Variants in CELF3 observed in about 807,000 individuals in gnomAD.
CELF3 encodes the protein CUGBP Elav-like family member 3, also known as CAG repeat domain.
Under a neutral mutation model 59.6 loss-of-function variants are expected in CELF3, and 26 were observed. The ratio of observed to expected loss-of-function variants is 0.44; its 90% CI spans 0.32 to 0.61. The LOEUF (loss-of-function observed/expected upper bound fraction) is 0.61. CELF3 is among the 20% of genes least tolerant of loss of function. The probability of loss-of-function intolerance (pLI) is 0.06; values close to 1 mark genes in which losing one functional copy is unlikely to be tolerated. For missense variants in CELF3, 387 were observed against 627.2 expected, an observed-to-expected ratio of 0.62 and a Z score of 4.09; for synonymous variants, 245 against 250.7, an observed-to-expected ratio of 0.98 and a Z score of 0.22.
At position 151,706,246 on chromosome 1, in the gene CELF3, TTGC is replaced by T. The variant is rs746113287; in HGVS notation, c.1101_1103del (p.Gln373del). 4.8e-4 allele frequency: 731 copies of T among 1,526,512 alleles called. No homozygotes were observed. The highest frequency in any genetic ancestry group is 1.1e-3 in the Admixed American group (60 of 54,800). 94.6% of individuals were successfully genotyped at this position (1,526,512 alleles called of 1,614,324 possible). A position where few individuals can be genotyped will look rare whatever the true frequency, so the allele number is the denominator to read the frequency against. On this transcript the variant is annotated inframe_deletion, in exon 10 of 13. Transcript: ENST00000290583. ...CACCTTCTCTTTGCTGCTGCTGCTGTTGCTGCTGCTGCTGCTGCTGCTGCTGTT... is the reference window on the plus strand; with the variant it reads ...CACCTTCTCTTTGCTGCTGCTGCTGTTGCTGCTGCTGCTGCTGCTGCTGTT...
rs1002851176 is a variant in CELF3, at chr1:151,700,760, C to T, written c.*2699G>A. 7.9e-5 allele frequency among the ~76,000 whole-genome samples: 12 copies of T among 152,162 alleles called. No homozygotes were observed. The highest frequency in any genetic ancestry group is 1.9e-4 in the African/African-American group (8 of 41,508). On this transcript the variant is annotated 3_prime_UTR_variant, in exon 13 of 13. Coordinates refer to ENST00000290583, the MANE Select transcript of CELF3 (RefSeq NM_007185.7). ...ATGATTTAATACCATTGAGTTTATG[C>T]GAAAGTACTAAAAACTCTTGAGGTT...
chr1:151,715,577 C>A, intron 1 of CELF3: 3 of 1,378,146 alleles, frequency 2.2e-6, no homozygotes, highest in Non-Finnish European at 2.9e-6. Flanking sequence ...GCTCTCTTGT[C>A]CCTCCATTCT....
chr1:151,710,148 C>T, intron 2 of CELF3: 1 of 288,318 alleles, frequency 3.5e-6, no homozygotes. Flanking sequence ...AGAATTGCCT[C>T]AATTCTACAA....
At chr1:151,714,436 G>T (rs1673284958) in intron 2 of CELF3, 158 bp downstream of exon 2, 1 of 697,348 alleles carries the variant, frequency 1.4e-6, no homozygotes, top group Non-Finnish European at 2.6e-6. Flanking sequence ...AGAAATGCAT[G>T]CATCTACAGC....
chr1:151,709,911 G>T lies in CELF3; in HGVS notation c.229-120C>A. 2.2e-6 allele frequency: 2 copies of T among 896,366 alleles called. No individual in the cohort carries two copies. Among genetic ancestry groups the T allele is most frequent in the South Asian group, 1.3e-5 (1 of 76,308 alleles). 55.5% of individuals were successfully genotyped at this position (896,366 alleles called of 1,614,324 possible). The stretch of plus-strand genomic sequence containing the variant: ...GCCCCAGGCCCTCTAAGTTTCTGAT[G>T]GGAAGGAAGGGACAGGGCCTAATAC... On this transcript the variant is annotated intron_variant, in intron 2 of 12. Transcript: ENST00000290583. This position sits in a 1 kb window ranked among gnomAD's most constrained non-coding sequence, Gnocchi z 4.9.
At chr1:151,711,805 C>G (rs1673045508) in intron 2 of CELF3, 1 of 152,312 alleles carries the variant, frequency 6.6e-6, no homozygotes, top group African/African-American at 2.4e-5. Flanking sequence ...CGCTAGCCCC[C>G]TTCCCAGCAG....
intron 8 of CELF3, 55 bp from the exon 9 acceptor site, chr1:151,706,789 C>G (rs1672587055): frequency 7.3e-7 from 1 of 1,373,580 alleles, no homozygotes; most frequent in Non-Finnish European, 9.9e-7. Context: ...TGGGGGCCCT[C>G]AGTGCCTCTC....
rs752475920 is a variant in CELF3, at chr1:151,707,977, G to A, written c.487-42C>T. 7.0e-6 allele frequency: 11 copies of A among 1,572,896 alleles called. No individual in the cohort carries two copies. The East Asian group carries it at 2.3e-4, about 32-fold the overall frequency. The stretch of plus-strand genomic sequence containing the variant: ...ACACAGGTCAGAGGTGCAGGGTCAG[G>A]GTCTCTCCTCCCCAAAGCCCTCAGG... On this transcript the variant is annotated intron_variant, in intron 5 of 12. Coordinates refer to ENST00000290583, the MANE Select transcript of CELF3 (RefSeq NM_007185.7).
chr1:151,710,926 T>C (rs1006956845), intron 2 of CELF3: 4 of 431,528 alleles, frequency 9.3e-6, no homozygotes, highest in African/African-American at 8.1e-5. Context: ...TCTGAAAATA[T>C]TTTGCTCTTG....
chr1:151,707,822 C>A lies in CELF3; in HGVS notation c.600G>T (p.Gln200His). The change falls in exon 6 of 13, where the codon CAG (glutamine) becomes CAT (histidine). Residue 200 changes from glutamine (Q) to histidine (H), a missense_variant. Physicochemically the swap from Gln to His is conservative, Grantham distance 24. Coordinates refer to ENST00000290583, the MANE Select transcript of CELF3 (RefSeq NM_007185.7). ...QLGMFSPIAL[Q>H]FGAYSAYTQA... ...GGGTGTAGGCGCTGTAGGCTCCAAA[C>A]TGGAGGGCGATGGGGCTGAACATGC... 3 of 1,613,872 alleles carry A rather than the reference C, an allele frequency of 1.9e-6. No individual in the cohort carries two copies. Among genetic ancestry groups the A allele is most frequent in the Non-Finnish European group, 2.5e-6 (3 of 1,179,804 alleles).
intron 2 of CELF3, chr1:151,710,913 G>C (rs572333312): frequency 2.3e-6 from 1 of 442,882 alleles, no homozygotes; most frequent in African/African-American, 2.0e-5. Flanking sequence ...TTAGTATTTA[G>C]TGTCTGAAAA....
rs1672720407 is a variant in CELF3 at position 151,708,021 on chromosome 1, C to G, written c.487-86G>C. 2.1e-6 allele frequency: 3 copies of G among 1,459,550 alleles called. No homozygotes were observed. In the Admixed American group the frequency reaches 6.6e-5, roughly 32 times the overall value. The allele number at this position is 1,459,550 out of a possible 1,614,324, so 90.4% of individuals were successfully genotyped here. ...CCTCAGGACCTGGTCTCCATTCCAC[C>G]CCCATGGCATGGCTTGGCCTCTCTG... is the stretch of plus-strand genomic sequence containing the variant. On this transcript the variant is annotated intron_variant, in intron 5 of 12. Transcript: ENST00000290583.
chr1:151,714,780 T>A (rs1673329888), intron 1 of CELF3, 104 bp from the exon 2 acceptor site: 2 of 809,844 alleles, frequency 2.5e-6, no homozygotes, highest in African/African-American at 3.4e-5. Context: ...AGCTTTCCCT[T>A]CTTGTCATCT....
Position 151,702,900 on chromosome 1 carries a change from T to C in CELF3, c.*559A>G. On this transcript the variant is annotated 3_prime_UTR_variant, in exon 13 of 13. Coordinates refer to ENST00000290583, the MANE Select transcript of CELF3 (RefSeq NM_007185.7). Reference sequence around the variant, plus strand: ...CAGCCCTCAGGGCTCCCCCACACCCTCCTTAGAGGGGGCCCTTGGGGGAGG... The same window carrying C: ...CAGCCCTCAGGGCTCCCCCACACCCCCCTTAGAGGGGGCCCTTGGGGGAGG... 3.4e-6 allele frequency: 1 copy of C among 291,106 alleles called. No homozygotes were observed. The highest frequency in any genetic ancestry group is 8.3e-5 in the East Asian group (1 of 12,076). 18.0% of individuals were successfully genotyped at this position (291,106 alleles called of 1,614,324 possible).
In CELF3 at chr1:151,701,663, G is replaced by C. The variant is rs1412357289; in HGVS notation, c.*1796C>G. Among the ~76,000 whole-genome samples the C allele has an allele frequency of 6.6e-6, 1 of 151,746 alleles. No individual in the cohort carries two copies. The highest frequency in any genetic ancestry group is 1.5e-5 in the Non-Finnish European group (1 of 67,928). ...GCGTGGTGGCTCATGCCTGTAATCTGAGCACTTCGGGAGGCCAAGGCAGGA... is the reference window on the plus strand; with the variant it reads ...GCGTGGTGGCTCATGCCTGTAATCTCAGCACTTCGGGAGGCCAAGGCAGGA... On this transcript the variant is annotated 3_prime_UTR_variant, in exon 13 of 13. Transcript: ENST00000290583.
At chr1:151,708,843 T>G (rs1238490302) in intron 5 of CELF3, among the ~76,000 whole-genome samples, 155 bp downstream of exon 5, 2 of 152,034 alleles carry the variant, frequency 1.3e-5, no homozygotes, top group Non-Finnish European at 2.9e-5. Context: ...ATTTGAAATG[T>G]GAGGGTGTCC....
intron 1 of CELF3, 106 bp downstream of exon 1, chr1:151,715,770 C>G (rs1673428718): frequency 6.3e-7 from 1 of 1,596,520 alleles, no homozygotes; most frequent in African/African-American, 1.3e-5. Flanking sequence ...GAACTCTTCT[C>G]CTTCCACATC....
intron 2 of CELF3, 105 bp downstream of exon 2, chr1:151,714,489 G>T: frequency 3.7e-6 from 3 of 810,074 alleles, no homozygotes; most frequent in Non-Finnish European, 6.4e-6. Flanking sequence ...ACTTCCTGGT[G>T]ATGAGAGGAG....
At chr1:151,713,092 G>C (rs1340337262) in intron 2 of CELF3, among the ~76,000 whole-genome samples, 1 of 152,200 alleles carries the variant, frequency 6.6e-6, no homozygotes, top group Non-Finnish European at 1.5e-5. Context: ...TTGGAGGATG[G>C]AACCCTCATT....
Sources: gnomAD v4.1 joint callset for allele counts (sites outside exome capture counted in the v4.1 genomes callset) on GRCh38, gnomAD v4.1.1 for gene constraint, Gnocchi (gnomAD v3.1) non-coding constraint, MANE v1.5 for transcripts, NCBI Gene and HGNC (gene_info 2026-07-23, HGNC 2026-07-21) for gene names.